AOPEP: variants seen among roughly 807,000 people sequenced by gnomAD.
AOPEP encodes the protein aminopeptidase O (putative), also known as aminopeptidase O.
In AOPEP, 77 loss-of-function variants were observed where a neutral mutation model predicts 98.1. That is an observed-to-expected ratio of 0.78 (90% CI 0.65 to 0.95). The LOEUF (loss-of-function observed/expected upper bound fraction) is 0.95, where lower values mean the gene tolerates loss of function less well. Ranked by LOEUF, AOPEP falls within the 40% of genes least tolerant of loss-of-function variation. AOPEP has a pLI of 0.00. For synonymous variants in AOPEP, 346 were observed against 365.3 expected (o/e 0.95, Z 0.60); for missense variants, 1,024 against 1,024.7 (o/e 1.00, Z 0.01).
intron 5 of AOPEP, among the ~76,000 whole-genome samples, chr9:94,888,561 G>T (rs1241273246): frequency 6.6e-6 from 1 of 152,184 alleles, no homozygotes; most frequent in Non-Finnish European, 1.5e-5. Context: ...GTCGTTGTCT[G>T]AGATGGTACC....
intron 9 of AOPEP, among the ~76,000 whole-genome samples, chr9:94,959,255 G>C (rs2058666535): frequency 6.6e-6 from 1 of 152,090 alleles, no homozygotes; most frequent in African/African-American, 2.4e-5. Flanking sequence ...ATGTTAGCCA[G>C]GATGGTCTTG....
chr9:95,095,845 G>C, the AOPEP span, among the ~76,000 whole-genome samples: 1 of 152,148 alleles, frequency 6.6e-6, no homozygotes. Flanking sequence ...ACGCAGGGGT[G>C]TGGGTGGGCC....
At chr9:94,844,136 A>G (rs2042578826) in intron 5 of AOPEP, among the ~76,000 whole-genome samples, 1 of 151,826 alleles carries the variant, frequency 6.6e-6, no homozygotes, top group Non-Finnish European at 1.5e-5. Flanking sequence ...GCTCACTGCA[A>G]CCTCCATCTC....
chr9:94,985,177 A>T (rs2060441123), intron 11 of AOPEP, among the ~76,000 whole-genome samples: 1 of 152,280 alleles, frequency 6.6e-6, no homozygotes. Flanking sequence ...AAATGAGCCG[A>T]CAATAATGTG....
intron 13 of AOPEP, chr9:95,022,229 G>T (rs1368426182): frequency 6.6e-6 from 1 of 152,228 alleles, no homozygotes; most frequent in African/African-American, 2.4e-5. Context: ...TGTCTAGAGG[G>T]TGAGGTATGT....
chr9:94,847,957 TGCA>T (rs2043057739), intron 5 of AOPEP, among the ~76,000 whole-genome samples: 2 of 152,234 alleles, frequency 1.3e-5, no homozygotes, highest in South Asian at 4.1e-4. Context: ...ATAAACCACC[TGCA>T]GGACTGGGGA....
At chr9:94,945,116 T>C (rs1264243234) in intron 7 of AOPEP, among the ~76,000 whole-genome samples, 1 of 152,080 alleles carries the variant, frequency 6.6e-6, no homozygotes, top group African/African-American at 2.4e-5. Context: ...GACATCTCCA[T>C]AGGGTCTGTG....
intron 13 of AOPEP, among the ~76,000 whole-genome samples, chr9:95,053,114 T>C (rs2066526660): frequency 6.6e-6 from 1 of 152,180 alleles, no homozygotes; most frequent in Admixed American, 6.5e-5. Flanking sequence ...TGTTCTTAGG[T>C]TTGGTTGTGG....
At chr9:95,148,741 T>C in the AOPEP span, among the ~76,000 whole-genome samples, 1 of 152,224 alleles carries the variant, frequency 6.6e-6, no homozygotes, top group Non-Finnish European at 1.5e-5. Flanking sequence ...AAAAGATCCA[T>C]TGAAAGTGCA....
At chr9:95,144,405 C>T in the AOPEP span, among the ~76,000 whole-genome samples, 1 of 152,188 alleles carries the variant, frequency 6.6e-6, no homozygotes, top group African/African-American at 2.4e-5. Context: ...GGAGAACATG[C>T]TATCACAAGC....
intron 11 of AOPEP, among the ~76,000 whole-genome samples, chr9:94,995,668 T>C (rs1018699842): frequency 6.6e-6 from 1 of 152,248 alleles, no homozygotes; most frequent in Non-Finnish European, 1.5e-5. Flanking sequence ...CAGGCCATAA[T>C]ATTTACATAA....
chr9:94,924,260 AG>A, intron 6 of AOPEP, 85 bp downstream of exon 6: 1 of 1,164,516 alleles, frequency 8.6e-7, no homozygotes. Flanking sequence ...CTATGGACTG[AG>A]GGCCTACTAT....
chr9:94,932,753 G>A, intron 7 of AOPEP: 1 of 977,052 alleles, frequency 1.0e-6, no homozygotes, highest in Non-Finnish European at 1.2e-6. Context: ...CAAAGTGCTG[G>A]GATTATAGGC....
rs117064159 is a variant in AOPEP, at chr9:94,942,651, A to G, written c.1662-12526A>G. 2.5e-3 allele frequency among the ~76,000 whole-genome samples: 385 copies of G among 152,318 alleles called. 1 individual carries two copies. Among genetic ancestry groups the G allele is most frequent in the Non-Finnish European group, 4.4e-3 (302 of 68,034 alleles). On this transcript the variant is annotated intron_variant, in intron 7 of 16. Transcript: ENST00000375315. ...TAAAACTGTCTCCATTTGTAGACATAATCTTATGTGGAGTAAATCCTAAGT... is the reference window on the plus strand; with the variant it reads ...TAAAACTGTCTCCATTTGTAGACATGATCTTATGTGGAGTAAATCCTAAGT...
intron 5 of AOPEP, among the ~76,000 whole-genome samples, chr9:94,892,407 A>T (rs2048979011): frequency 6.6e-6 from 1 of 152,114 alleles, no homozygotes; most frequent in South Asian, 2.1e-4. Flanking sequence ...AGATTCATTG[A>T]TTCTATCTCC....
intron 11 of AOPEP, among the ~76,000 whole-genome samples, chr9:94,998,494 C>T (rs2061373121): frequency 6.6e-6 from 1 of 152,158 alleles, no homozygotes; most frequent in Non-Finnish European, 1.5e-5. Context: ...TCACTTCCCT[C>T]CAGCTTCTGG....
At chr9:94,988,948 G>A (rs1012407248) in intron 11 of AOPEP, among the ~76,000 whole-genome samples, 6 of 143,300 alleles carry the variant, frequency 4.2e-5, no homozygotes, top group Non-Finnish European at 7.5e-5. Flanking sequence ...TCGGTCTGTC[G>A]CCCAGGCTGA....
At chr9:95,006,081 T>C (rs1164066067) in intron 13 of AOPEP, 1 of 471,750 alleles carries the variant, frequency 2.1e-6, no homozygotes, top group African/African-American at 2.0e-5. Context: ...AGGAATTTTA[T>C]TTACTGTAAA....
chr9:95,083,866 C>G (rs775434658), intron 16 of AOPEP, among the ~76,000 whole-genome samples: 1 of 152,198 alleles, frequency 6.6e-6, no homozygotes, highest in African/African-American at 2.4e-5. Flanking sequence ...TATTGGAGTC[C>G]TAGATTATTT....
Sources: gnomAD v4.1 joint callset for allele counts (sites outside exome capture counted in the v4.1 genomes callset) on GRCh38, gnomAD v4.1.1 for gene constraint, MANE v1.5 for transcripts, NCBI Gene and HGNC (gene_info 2026-07-23, HGNC 2026-07-21) for gene names.